The following VWF variants were observed in gnomAD, a reference collection of about 807,000 sequenced individuals.
VWF encodes the protein von Willebrand factor.
In VWF, 176 loss-of-function variants were observed where a neutral mutation model predicts 308.6. The observed-to-expected ratio is 0.57, with a 90% CI of 0.50 to 0.65. The LOEUF is 0.65. Ranked by LOEUF, VWF falls within the 30% of genes least tolerant of loss-of-function variation. The pLI, the probability that VWF is intolerant of heterozygous loss-of-function variation, is 0.00. For synonymous variants in VWF, 1,385 were observed against 1,443.4 expected (o/e 0.96, Z 0.92); for missense variants, 3,146 against 3,648.2 (o/e 0.86, Z 3.55).
At chr12:5,985,238 G>T (rs1943665714) in intron 39 of VWF, 119 bp from the exon 40 acceptor site, 3 of 1,063,448 alleles carry the variant, frequency 2.8e-6, no homozygotes, top group Non-Finnish European at 4.3e-6. Flanking sequence ...CATCCCACAA[G>T]GATCCAGGCC....
intron 6 of VWF, among the ~76,000 whole-genome samples, chr12:6,094,558 G>A (rs185455837): frequency 2.0e-4 from 30 of 147,978 alleles, no homozygotes; most frequent in African/African-American, 6.9e-4. Flanking sequence ...AACTGTCTAC[G>A]TCCTCCAAAA....
intron 47 of VWF, among the ~76,000 whole-genome samples, chr12:5,966,468 T>C (rs1943405825): frequency 6.6e-6 from 1 of 152,170 alleles, no homozygotes; most frequent in Non-Finnish European, 1.5e-5. Context: ...GCTCCATACT[T>C]CTTTTATTAA....
At chr12:6,050,904 G>A (rs900273684) in intron 16 of VWF, among the ~76,000 whole-genome samples, 3 of 150,912 alleles carry the variant, frequency 2.0e-5, no homozygotes, top group African/African-American at 4.9e-5. Flanking sequence ...GCAGCGAGCC[G>A]AGATTGTGCC....
intron 47 of VWF, among the ~76,000 whole-genome samples, chr12:5,959,303 C>T (rs1230847015): frequency 6.6e-6 from 1 of 152,084 alleles, no homozygotes; most frequent in African/African-American, 2.4e-5. Context: ...GATGCATCTA[C>T]AGAACTTCAT....
chr12:6,052,885 T>A, intron 15 of VWF, 102 bp from the exon 16 acceptor site: 1 of 1,453,266 alleles, frequency 6.9e-7, no homozygotes, highest in Non-Finnish European at 9.2e-7. Context: ...CCCAATTATT[T>A]AATTAAAATT....
At chr12:5,991,205 ACGCATG>A (rs780276299) in intron 38 of VWF, among the ~76,000 whole-genome samples, 7 of 114,912 alleles carry the variant, frequency 6.1e-5, no homozygotes, top group East Asian at 3.2e-4. Flanking sequence ...ACACACACAC[ACGCATG>A]CACACACACG....
chr12:6,095,339 G>T, intron 6 of VWF, 121 bp downstream of exon 6: 1 of 1,494,044 alleles, frequency 6.7e-7, no homozygotes, highest in South Asian at 1.1e-5. Flanking sequence ...AGTTTTGGAG[G>T]AAATGGCCCT....
In VWF at chr12:6,016,593, C is replaced by T; in HGVS notation, c.5234G>A (p.Trp1745Ter). ...ATGGGCTTTCTCCGGGACCACGTTC[C>T]ATGGCACGTCAATGGTGGTGATGCT... ...YGSITTIDVP[W>*]NVVPEKAHLL... Residue 1745 changes from tryptophan (W) to a stop codon, truncating the protein, a stop_gained, in exon 30 of 52, where the codon TGG becomes TAG. Coordinates refer to ENST00000261405, the MANE Select transcript of VWF (RefSeq NM_000552.5). LOFTEE classifies it high-confidence loss of function. The T allele has an allele frequency of 6.2e-7, 1 of 1,614,184 alleles. No individual in the cohort carries two copies. The highest frequency in any genetic ancestry group is 2.2e-5 in the East Asian group (1 of 44,878).
rs1944092280 is a variant in VWF, at chr12:6,018,743, C to T, written c.4675G>A (p.Gly1559Arg). 2 of 1,613,642 alleles carry T rather than the reference C, an allele frequency of 1.2e-6. No individual in the cohort carries two copies. Among genetic ancestry groups the T allele is most frequent in the Non-Finnish European group, 1.7e-6 (2 of 1,179,942 alleles). ...EYPFSEAQSKGDILQRVREIR... is the reference protein window; with the variant it reads ...EYPFSEAQSKRDILQRVREIR... Reference sequence around the variant, plus strand: ...TCTCGCACCCGCTGCAGGATGTCCCCTTTGGACTGTGCCTCGCTGAAGGGG... The same window carrying T: ...TCTCGCACCCGCTGCAGGATGTCCCTTTTGGACTGTGCCTCGCTGAAGGGG... Residue 1559 changes from glycine to arginine, a missense_variant, in exon 28 of 52, where the codon GGG (glycine) becomes AGG (arginine). Around this residue, in one of 3 missense-constraint regions of VWF, gnomAD observed 853 missense variants for 1,177.8 expected, o/e 0.72. Transcript: ENST00000261405.
chr12:6,089,494 C>G (rs965949245), intron 6 of VWF, among the ~76,000 whole-genome samples: 9 of 152,110 alleles, frequency 5.9e-5, no homozygotes, highest in African/African-American at 2.2e-4. Flanking sequence ...AGCTAGGGTA[C>G]AGCTGGAGCC....
rs752356198 is a variant in VWF, at chr12:5,994,189, T to G, written c.6271A>C (p.Asn2091His). The G allele has an allele frequency of 1.2e-6, 2 of 1,613,922 alleles. No individual in the cohort carries two copies. Among genetic ancestry groups the G allele is most frequent in the Admixed American group, 1.7e-5 (1 of 59,996 alleles). ...CTCAGCATGAAGTCATTGGCTCCGT[T>G]CTCATCACAGATCCCTAGAGAAACA... is the stretch of plus-strand genomic sequence containing the variant. The part of the protein sequence containing the change: ...TYGLCGICDE[N>H]GANDFMLRDG... The change falls in exon 37 of 52, where the codon AAC (asparagine) becomes CAC (histidine). Residue 2091 changes from asparagine to histidine, a missense_variant. Asn to His is a moderately conservative substitution (Grantham distance 68). Coordinates refer to ENST00000261405, the MANE Select transcript of VWF (RefSeq NM_000552.5).
chr12:6,057,495 AT>A (rs1392238100), intron 14 of VWF, among the ~76,000 whole-genome samples: 1 of 139,208 alleles, frequency 7.2e-6, no homozygotes, highest in East Asian at 2.0e-4. Flanking sequence ...TATTATTATT[AT>A]TATTATTATT....
Position 6,016,880 on chromosome 12 carries a change from C to T in VWF, c.5054-10G>A, listed in dbSNP as rs1944067410. ...AGGGGCTGGCTGCAGTCTGCAAAGA[C>T]AACCAGGAAGGTGAGCACACAGGTG... On this transcript the variant is annotated splice_polypyrimidine_tract_variant and intron_variant, in intron 28 of 51. Coordinates refer to ENST00000261405, the MANE Select transcript of VWF (RefSeq NM_000552.5). The T allele has an allele frequency of 6.2e-7, 1 of 1,613,650 alleles. No homozygotes were observed. Among genetic ancestry groups the T allele is most frequent in the Non-Finnish European group, 8.5e-7 (1 of 1,179,716 alleles).
At chr12:5,991,411 A>G (rs216894) in intron 38 of VWF, among the ~76,000 whole-genome samples, 79,662 of 151,986 alleles carry the variant, frequency 0.52, 21,280 homozygotes, top group East Asian at 0.75. Flanking sequence ...GAAAAACACT[A>G]AGATAATGAA....
intron 42 of VWF, among the ~76,000 whole-genome samples, chr12:5,976,821 G>A (rs1943539476): frequency 6.6e-6 from 1 of 152,194 alleles, no homozygotes; most frequent in African/African-American, 2.4e-5. Flanking sequence ...TGGTAGAGAT[G>A]TGGGAAAACA....
At chr12:5,969,083 A>G in intron 45 of VWF, 128 bp downstream of exon 45, 1 of 1,031,402 alleles carries the variant, frequency 9.7e-7, no homozygotes, top group African/African-American at 1.6e-5. Context: ...GTAGGAGCAG[A>G]TGGGAAGATT....
At chr12:5,988,775 C>T (rs1221372454) in intron 38 of VWF, among the ~76,000 whole-genome samples, 1 of 152,180 alleles carries the variant, frequency 6.6e-6, no homozygotes, top group Admixed American at 6.5e-5. Flanking sequence ...CTGCACAAGC[C>T]CAGGCCAACT....
chr12:6,103,986 C>T (rs1945212719), intron 5 of VWF, among the ~76,000 whole-genome samples: 1 of 152,096 alleles, frequency 6.6e-6, no homozygotes, highest in Admixed American at 6.6e-5. Flanking sequence ...AGACAGCTTG[C>T]AGAATGGAAG....
At chr12:6,016,370 C>G in intron 30 of VWF, 138 bp from the exon 31 acceptor site, 1 of 1,451,096 alleles carries the variant, frequency 6.9e-7, no homozygotes. Flanking sequence ...TCTGGAGAGA[C>G]GTGGAAGAGC....
Sources: allele counts gnomAD v4.1 joint callset (sites outside exome capture counted in the v4.1 genomes callset), GRCh38; gene constraint gnomAD v4.1.1; regional missense constraint gnomAD v4.1.1; transcripts MANE v1.5; gene names NCBI Gene and HGNC (gene_info 2026-07-23, HGNC 2026-07-21).